The following ADCY9 variants were observed in gnomAD, a reference collection of about 807,000 sequenced individuals.
ADCY9 encodes adenylate cyclase 9.
In ADCY9, 50 loss-of-function variants were observed where a neutral mutation model predicts 101.5. The ratio of observed to expected loss-of-function variants is 0.49; its 90% CI spans 0.39 to 0.62. The LOEUF (loss-of-function observed/expected upper bound fraction) is 0.62. ADCY9 is among the 20% of genes least tolerant of loss of function. ADCY9 has a pLI of 0.00. For missense variants in ADCY9, 1,662 were observed against 1,800.4 expected, an observed-to-expected ratio of 0.92 and a Z score of 1.39; for synonymous variants, 905 against 769.3, an observed-to-expected ratio of 1.18 and a Z score of -2.92.
intron 2 of ADCY9, among the ~76,000 whole-genome samples, chr16:4,089,567 T>A (rs1421366316): frequency 1.3e-5 from 2 of 151,984 alleles, no homozygotes; most frequent in African/African-American, 2.4e-5. Context: ...GGATGTGTGT[T>A]TTTCACCTCT....
chr16:3,989,384 T>C (rs2056225541), intron 5 of ADCY9, among the ~76,000 whole-genome samples: 1 of 151,856 alleles, frequency 6.6e-6, no homozygotes, highest in South Asian at 2.1e-4. Flanking sequence ...TTTTGGGGTT[T>C]TTTTTTTTTG....
At position 3,963,677 on chromosome 16, in the gene ADCY9, G is replaced by A. The variant is rs533731992; in HGVS notation, c.*2098C>T. ...ACTTTGCGGAGCATGTTCTGAGCGA[G>A]ACAGCAAGGTCGTGAGCAAACGCCC... is the stretch of plus-strand genomic sequence containing the variant. On this transcript the variant is annotated 3_prime_UTR_variant, in exon 11 of 11. Transcript: ENST00000294016. The A allele has an allele frequency of 9.9e-4, 258 of 260,534 alleles. No homozygotes were observed. The highest frequency in any genetic ancestry group is 5.5e-3 in the African/African-American group (248 of 45,308). 16.1% of individuals were successfully genotyped at this position (260,534 alleles called of 1,614,324 possible).
Position 4,114,113 on chromosome 16 carries a change from A to C in ADCY9, c.1330T>G (p.Cys444Gly), listed in dbSNP as rs1011355973. Residue 444 changes from cysteine to glycine, a missense_variant, in exon 2 of 11, where the codon TGT becomes GGT. Cys to Gly is a radical substitution (Grantham distance 159, BLOSUM62 -3). Around this residue, in one of 5 missense-constraint regions of ADCY9, gnomAD observed 228 missense variants for 301.1 expected, o/e 0.76. Transcript: ENST00000294016. The surrounding 1 kb of genome is among the most constrained non-coding windows in gnomAD (Gnocchi z 4.3). Reference sequence around the variant, plus strand: ...GGACAGCCCGCCACGCAGTAGTAACAGTCTCCCAGGGTGCTGATTTTCTCA... The same window carrying C: ...GGACAGCCCGCCACGCAGTAGTAACCGTCTCCCAGGGTGCTGATTTTCTCA... Reference protein sequence around the residue: ...KCEKISTLGDCYYCVAGCPEP... With the variant: ...KCEKISTLGDGYYCVAGCPEP... 3.7e-6 allele frequency: 6 copies of C among 1,613,866 alleles called. No individual in the cohort carries two copies. The highest frequency in any genetic ancestry group is 5.1e-6 in the Non-Finnish European group (6 of 1,180,036).
chr16:3,974,234 C>T (rs1159797595), intron 10 of ADCY9, among the ~76,000 whole-genome samples: 2 of 151,974 alleles, frequency 1.3e-5, no homozygotes, highest in African/African-American at 4.8e-5. Context: ...TTAGTAGAGA[C>T]GGGGTTTCAC....
chr16:3,997,440 C>T (rs912384077), intron 3 of ADCY9, among the ~76,000 whole-genome samples: 2 of 152,262 alleles, frequency 1.3e-5, no homozygotes, highest in Non-Finnish European at 2.9e-5. Context: ...AGGTGGGGAA[C>T]TCAGTGCTTT....
At chr16:4,100,519 C>G (rs7190128) in intron 2 of ADCY9, among the ~76,000 whole-genome samples, 53,358 of 151,656 alleles carry the variant, frequency 0.35, 9,543 homozygotes, top group South Asian at 0.44. Flanking sequence ...TTAGTAGACA[C>G]GGGGTTTTGC....
At chr16:3,990,196 G>A (rs2141700002) in intron 5 of ADCY9, among the ~76,000 whole-genome samples, 1 of 152,208 alleles carries the variant, frequency 6.6e-6, no homozygotes, top group East Asian at 1.9e-4. Flanking sequence ...TGGGCGCGGT[G>A]GCTCATCCTT....
chr16:4,079,701 T>C (rs937456167), intron 2 of ADCY9, among the ~76,000 whole-genome samples: 31 of 152,188 alleles, frequency 2.0e-4, no homozygotes, highest in Non-Finnish European at 4.3e-4. Flanking sequence ...ATGGTGTTAA[T>C]GGTGTTTCAT....
intron 2 of ADCY9, among the ~76,000 whole-genome samples, chr16:4,014,939 C>CTTTTTTTTT (rs578260761): frequency 3.2e-5 from 3 of 93,230 alleles, no homozygotes; most frequent in Admixed American, 1.6e-4. Flanking sequence ...CTGTTTTGGC[C>CTTTTTTTTT]TTTTTTTTTT....
chr16:4,019,359 A>T (rs996071327), intron 2 of ADCY9, among the ~76,000 whole-genome samples: 1 of 152,140 alleles, frequency 6.6e-6, no homozygotes, highest in Non-Finnish European at 1.5e-5. Flanking sequence ...CCACCCAGGG[A>T]TGTCCCAGGC....
downstream of ADCY9, among the ~76,000 whole-genome samples, chr16:3,961,812 G>C (rs1270638048): frequency 6.6e-6 from 1 of 151,982 alleles, no homozygotes; most frequent in African/African-American, 2.4e-5. Flanking sequence ...GATCACTTGA[G>C]GCCAGGAGTT....
At chr16:4,108,654 G>C (rs2057094292) in intron 2 of ADCY9, among the ~76,000 whole-genome samples, 1 of 149,628 alleles carries the variant, frequency 6.7e-6, no homozygotes, top group Non-Finnish European at 1.5e-5. Flanking sequence ...TTACAGGCAT[G>C]AGCCACCACG....
intron 2 of ADCY9, among the ~76,000 whole-genome samples, chr16:4,012,510 G>A (rs1394281392): frequency 6.7e-6 from 1 of 150,148 alleles, no homozygotes; most frequent in Non-Finnish European, 1.5e-5. Context: ...TGATTTAAGT[G>A]TAGTGTAAAC....
At chr16:3,986,399 C>A (rs545218289) in intron 6 of ADCY9, among the ~76,000 whole-genome samples, 2 of 152,280 alleles carry the variant, frequency 1.3e-5, no homozygotes, top group East Asian at 3.9e-4. Flanking sequence ...ATGTGGCCTC[C>A]TGTCTTGTCC....
At chr16:3,989,948 A>C (rs1219714827) in intron 5 of ADCY9, among the ~76,000 whole-genome samples, 3 of 152,242 alleles carry the variant, frequency 2.0e-5, no homozygotes, top group Non-Finnish European at 4.4e-5. Context: ...ACATATGCAG[A>C]TTGCATGTGA....
intron 2 of ADCY9, among the ~76,000 whole-genome samples, chr16:4,088,275 G>A (rs1329719290): frequency 1.3e-5 from 2 of 151,846 alleles, no homozygotes; most frequent in Non-Finnish European, 2.9e-5. Context: ...AAGACTGATG[G>A]AAATGAAGAT....
At position 4,037,935 on chromosome 16, in the gene ADCY9, C is replaced by G. The variant is rs569363119; in HGVS notation, c.1694-30377G>C. On this transcript the variant is annotated intron_variant, in intron 2 of 10. Transcript: ENST00000294016. ...AACCTATGTGCTATGGTCTAAATGTCCCCCAAAATTGACGTGTTTAAACTT... is the reference window on the plus strand; with the variant it reads ...AACCTATGTGCTATGGTCTAAATGTGCCCCAAAATTGACGTGTTTAAACTT... Among the ~76,000 whole-genome samples the G allele has an allele frequency of 6.3e-4, 96 of 152,206 alleles. 2 individuals are homozygous for G. The South Asian group carries it at 0.019, about 31-fold the overall frequency.
intron 2 of ADCY9, among the ~76,000 whole-genome samples, chr16:4,075,311 G>A (rs535016975): frequency 6.6e-6 from 1 of 152,120 alleles, no homozygotes; most frequent in Admixed American, 6.6e-5. Flanking sequence ...GATAATTTTT[G>A]TATTTTTAGT....
rs189923926 is a variant in ADCY9 at position 3,989,992 on chromosome 16, T to C, written c.2208-896A>G. On this transcript the variant is annotated intron_variant, in intron 5 of 10. Coordinates refer to ENST00000294016, the MANE Select transcript of ADCY9 (RefSeq NM_001116.4). ...GAATGATAAAGCTCAGTGATTTTAA[T>C]AGCAGGGAAATCAACCCCGCTTTCC... Among the ~76,000 whole-genome samples, 8 of 152,364 alleles carry C rather than the reference T, an allele frequency of 5.3e-5. No homozygotes were observed. In the East Asian group the frequency reaches 1.2e-3, roughly 22 times the overall value.
Sources: gnomAD v4.1 joint callset for allele counts (sites outside exome capture counted in the v4.1 genomes callset) on GRCh38, gnomAD v4.1.1 for gene constraint, gnomAD v4.1.1 regional missense constraint, Gnocchi (gnomAD v3.1) non-coding constraint, MANE v1.5 for transcripts, NCBI Gene and HGNC (gene_info 2026-07-23, HGNC 2026-07-21) for gene names.